The following C4orf33 variants were observed in gnomAD, a reference collection of about 807,000 sequenced individuals.
The protein encoded by C4orf33 is UPF0462 protein C4orf33.
C4orf33 carries 20 observed loss-of-function variants against 24.3 expected under a neutral mutation model. The ratio of observed to expected loss-of-function variants is 0.82; its 90% confidence interval spans 0.58 to 1.19. The LOEUF (loss-of-function observed/expected upper bound fraction) is 1.19, where lower values mean the gene tolerates loss of function less well. C4orf33 is among the 50% of genes most tolerant of loss of function. C4orf33 has a pLI of 0.00. For synonymous variants in C4orf33, 67 were observed against 76.4 expected (o/e 0.88, Z 0.64); for missense variants, 207 against 225.9 (o/e 0.92, Z 0.54).
intron 3 of C4orf33, among the ~76,000 whole-genome samples, chr4:129,108,341 AC>A (rs1753578155): frequency 6.6e-6 from 1 of 152,192 alleles, no homozygotes; most frequent in Admixed American, 6.5e-5. Context: ...GTTCTTAATG[AC>A]CTGGCTAGTC....
At chr4:129,107,585 G>A (rs1429046028) in intron 3 of C4orf33, among the ~76,000 whole-genome samples, 1 of 151,826 alleles carries the variant, frequency 6.6e-6, no homozygotes, top group East Asian at 1.9e-4. Flanking sequence ...GAAAAGTCTA[G>A]CTGTTTGCGT....
At chr4:129,103,893 G>A (rs1312710991) in intron 2 of C4orf33, among the ~76,000 whole-genome samples, 1 of 152,094 alleles carries the variant, frequency 6.6e-6, no homozygotes, top group African/African-American at 2.4e-5. Context: ...TATGCCATTT[G>A]TAAGCACACA....
At chr4:129,109,891 A>G (rs998103129) in intron 5 of C4orf33, 4 of 1,079,940 alleles carry the variant, frequency 3.7e-6, no homozygotes, top group Admixed American at 3.5e-5. Context: ...TTATTTTTCC[A>G]TAGTGGTATG....
At chr4:129,106,475 T>C (rs1188825029) in intron 2 of C4orf33, 112 bp from the exon 3 acceptor site, 2 of 562,476 alleles carry the variant, frequency 3.6e-6, no homozygotes, top group Admixed American at 3.9e-5. Flanking sequence ...CTATTGGGGA[T>C]AGTATTATAA....
chr4:129,100,896 A>C lies in C4orf33; in HGVS notation c.-9-1706A>C, dbSNP rs1753331998. ...CATGAGGATACTTATTACTACCAAA[A>C]TTTAGGATAGAGGATTACACATTTT... On this transcript the variant is annotated intron_variant, in intron 1 of 5. Transcript: ENST00000425929. 3.9e-5 allele frequency among the ~76,000 whole-genome samples: 6 copies of C among 152,192 alleles called. No individual in the cohort carries two copies. In the South Asian group the frequency reaches 1.2e-3, roughly 31 times the overall value.
At chr4:129,106,222 A>G (rs1281790219) in intron 2 of C4orf33, among the ~76,000 whole-genome samples, 1 of 152,132 alleles carries the variant, frequency 6.6e-6, no homozygotes, top group African/African-American at 2.4e-5. Context: ...ACAGTACTCT[A>G]ATGAATGGCA....
chr4:129,109,521 G>T lies in C4orf33; in HGVS notation c.343G>T (p.Glu115Ter). The T allele has an allele frequency of 6.2e-7, 1 of 1,613,954 alleles. No homozygotes were observed. Among genetic ancestry groups the T allele is most frequent in the African/African-American group, 1.3e-5 (1 of 75,062 alleles). The change falls in exon 5 of 6, where the codon GAA becomes TAA. Residue 115 changes from glutamate (E) to a stop codon, truncating the protein, a stop_gained. Coordinates refer to ENST00000425929, the MANE Select transcript of C4orf33 (RefSeq NM_001099783.2). LOFTEE classifies it high-confidence loss of function. ...FRMSRGETKWEGKAYLPWSYF... is the reference protein window; with the variant it reads ...FRMSRGETKW ...AATGTCCAGAGGAGAGACAAAATGG[G>T]AAGGCAAAGCTTATCTCCCTTGGAG...
Position 129,115,815 on chromosome 4 carries a change from T to TATAATATATATGTTTATATATAAC in C4orf33, c.*4027_*4028insATATATATGTTTATATATAACATA, listed in dbSNP as rs1561094933. On this transcript the variant is annotated 3_prime_UTR_variant, in exon 6 of 6. Transcript: ENST00000425929. ...TCTTCTAACTAAATATATATATATA[T>TATAATATATATGTTTATATATAAC]ATATATATATATATAAAATATATAT... 8 of 120,294 alleles carry TATAATATATATGTTTATATATAAC rather than the reference T, an allele frequency of 6.7e-5. No individual in the cohort carries two copies. Among genetic ancestry groups the TATAATATATATGTTTATATATAAC allele is most frequent in the Non-Finnish European group, 1.3e-4 (7 of 55,738 alleles). 7.5% of individuals were successfully genotyped at this position (120,294 alleles called of 1,614,324 possible). A position where few individuals can be genotyped will look rare whatever the true frequency, so the allele number is the denominator to read the frequency against.
chr4:129,101,972 A>G (rs1753366048), intron 1 of C4orf33: 1 of 152,168 alleles, frequency 6.6e-6, no homozygotes, highest in Non-Finnish European at 1.5e-5. Context: ...AAATGATTGG[A>G]ACTCCCCATC....
At chr4:129,098,888 GT>G (rs397800669) in intron 1 of C4orf33, among the ~76,000 whole-genome samples, 15 of 20,050 alleles carry the variant, frequency 7.5e-4, no homozygotes, top group Non-Finnish European at 8.8e-4. Flanking sequence ...ACTGTTGGGA[GT>G]TTTTTTTTGC....
intron 1 of C4orf33, among the ~76,000 whole-genome samples, chr4:129,098,775 C>G (rs549012962): frequency 6.6e-6 from 1 of 152,290 alleles, no homozygotes; most frequent in African/African-American, 2.4e-5. Flanking sequence ...CATGCATTTT[C>G]CAGAAAAGTA....
intron 3 of C4orf33, among the ~76,000 whole-genome samples, chr4:129,108,644 T>G (rs1222395784): frequency 2.0e-5 from 3 of 152,248 alleles, no homozygotes; most frequent in Non-Finnish European, 4.4e-5. Context: ...TTGCTTTAGT[T>G]TTTGAAACTC....
intron 1 of C4orf33, among the ~76,000 whole-genome samples, chr4:129,098,699 A>G (rs1049461304): frequency 5.9e-5 from 9 of 152,228 alleles, no homozygotes. Context: ...AGCAGCTCCC[A>G]TGAATTGTTG....
At chr4:129,097,065 C>T (rs541857284) in intron 1 of C4orf33, among the ~76,000 whole-genome samples, 5 of 152,134 alleles carry the variant, frequency 3.3e-5, no homozygotes, top group African/African-American at 1.2e-4. Flanking sequence ...CGTGCCACCA[C>T]GCCCAGCTAA....
chr4:129,095,251 C>T (rs1753162750), upstream of C4orf33, among the ~76,000 whole-genome samples: 1 of 152,112 alleles, frequency 6.6e-6, no homozygotes, highest in Admixed American at 6.5e-5. Flanking sequence ...CTCTCATGTT[C>T]CTCCTTTTCA....
At chr4:129,094,410 A>G (rs1187100413), upstream of C4orf33, among the ~76,000 whole-genome samples, 1 of 152,196 alleles carries the variant, frequency 6.6e-6, no homozygotes, top group Non-Finnish European at 1.5e-5. Flanking sequence ...TTGTATTTTT[A>G]TGGACTGAAG....
rs758560509 is a variant in C4orf33 at position 129,106,674 on chromosome 4, T to TA, written c.242+28dup. 6.1e-6 allele frequency: 7 copies of TA among 1,145,832 alleles called. No homozygotes were observed. The Admixed American group carries it at 1.2e-4, about 20-fold the overall frequency. 71.0% of individuals were successfully genotyped at this position (1,145,832 alleles called of 1,614,324 possible). A position where few individuals can be genotyped will look rare whatever the true frequency, so the allele number is the denominator to read the frequency against. ...TAAGTATAAAATGTTTTTTCTTACT[T>TA]ATTACTACATAATTTGAACGTGTTA... On this transcript the variant is annotated intron_variant, in intron 3 of 5. Transcript: ENST00000425929.
In C4orf33 at chr4:129,114,505, C is replaced by T. The variant is rs1448362549; in HGVS notation, c.*2714C>T. 2 of 152,182 alleles carry T rather than the reference C, an allele frequency of 1.3e-5. No individual in the cohort carries two copies. The highest frequency in any genetic ancestry group is 1.9e-4 in the East Asian group (1 of 5,198). 9.4% of individuals were successfully genotyped at this position (152,182 alleles called of 1,614,324 possible). On this transcript the variant is annotated 3_prime_UTR_variant, in exon 6 of 6. Coordinates refer to ENST00000425929, the MANE Select transcript of C4orf33 (RefSeq NM_001099783.2). ...TCTCCTCTCTGGAATTGCTTAACTACAGTCAACCTCTTTGGAAGTTATTGT... is the reference window on the plus strand; with the variant it reads ...TCTCCTCTCTGGAATTGCTTAACTATAGTCAACCTCTTTGGAAGTTATTGT...
At chr4:129,099,676 A>G (rs1753298086) in intron 1 of C4orf33, among the ~76,000 whole-genome samples, 2 of 152,226 alleles carry the variant, frequency 1.3e-5, no homozygotes, top group South Asian at 4.1e-4. Flanking sequence ...CGCTAGCCCA[A>G]GAGGTGAAGG....
Sources: allele counts gnomAD v4.1 joint callset (sites outside exome capture counted in the v4.1 genomes callset), GRCh38; gene constraint gnomAD v4.1.1; transcripts MANE v1.5; gene names NCBI Gene and HGNC (gene_info 2026-07-23, HGNC 2026-07-21).